PTPRM: variants seen among roughly 807,000 people sequenced by gnomAD.
PTPRM encodes the protein protein tyrosine phosphatase receptor type M, also known as receptor-type tyrosine-protein phosphatase mu.
In PTPRM, 47 loss-of-function variants were observed where a neutral mutation model predicts 186.7. The ratio of observed to expected loss-of-function variants is 0.25; its 90% CI spans 0.20 to 0.32. PTPRM has a LOEUF of 0.32. Ranked by LOEUF, PTPRM falls within the 10% of genes least tolerant of loss-of-function variation. PTPRM has a pLI of 1.00. For synonymous variants in PTPRM, 668 were observed against 674.9 expected (o/e 0.99, Z 0.16); for missense variants, 1,494 against 1,865.0 (o/e 0.80, Z 3.66).
At chr18:7,808,131 G>A (rs1052276163) in intron 2 of PTPRM, among the ~76,000 whole-genome samples, 1 of 152,184 alleles carries the variant, frequency 6.6e-6, no homozygotes, top group Non-Finnish European at 1.5e-5. Context: ...TCCAAACCGT[G>A]TGTTTGCCAA....
At chr18:8,044,653 A>C (rs2086906605) in intron 7 of PTPRM, among the ~76,000 whole-genome samples, 1 of 150,374 alleles carries the variant, frequency 6.7e-6, no homozygotes, top group South Asian at 2.1e-4. Flanking sequence ...GCTAATCGGG[A>C]GGCTGAGGCA....
chr18:7,933,674 C>G (rs914111695), intron 5 of PTPRM, among the ~76,000 whole-genome samples: 1 of 152,154 alleles, frequency 6.6e-6, no homozygotes, highest in Non-Finnish European at 1.5e-5. Flanking sequence ...CCAAACAAAT[C>G]GTGTAGCTCC....
At chr18:7,867,395 G>A (rs563957898) in intron 2 of PTPRM, among the ~76,000 whole-genome samples, 29 of 152,218 alleles carry the variant, frequency 1.9e-4, no homozygotes, top group African/African-American at 6.0e-4. Context: ...CAGGCCTGGT[G>A]GTAACAAAAT....
rs148964385 is a variant in PTPRM at position 7,627,914 on chromosome 18, C to G, written c.73+60023C>G. Among the ~76,000 whole-genome samples the G allele has an allele frequency of 5.6e-3, 850 of 152,234 alleles. 9 individuals carry two copies. The highest frequency in any genetic ancestry group is 0.02 in the African/African-American group (814 of 41,520). ...AGTTCCATTGATTCCAAATAAGAGG[C>G]CCTGCACAAATGGAGATTCTGATGT... On this transcript the variant is annotated intron_variant, in intron 1 of 32. Transcript: ENST00000580170.
chr18:8,383,614 A>G (rs1047793496), intron 29 of PTPRM, among the ~76,000 whole-genome samples: 5 of 152,144 alleles, frequency 3.3e-5, no homozygotes, highest in African/African-American at 1.2e-4. Flanking sequence ...AACAATACCT[A>G]GAGTTTGAGG....
intron 2 of PTPRM, among the ~76,000 whole-genome samples, chr18:7,878,891 G>T (rs967058507): frequency 6.6e-5 from 10 of 152,158 alleles, no homozygotes; most frequent in African/African-American, 2.4e-4. Flanking sequence ...AAAACTTGAC[G>T]TATGGGAAAT....
rs188387634 is a variant in PTPRM, at chr18:8,018,577, A to G, written c.1133-51109A>G. Among the ~76,000 whole-genome samples the G allele has an allele frequency of 3.2e-4, 48 of 152,304 alleles. 1 individual carries two copies. Among genetic ancestry groups the G allele is most frequent in the African/African-American group, 1.1e-3 (44 of 41,558 alleles). On this transcript the variant is annotated intron_variant, in intron 7 of 32. Transcript: ENST00000580170. ...AATAATCAATCCACAATAATAGAGA[A>G]TCAACTCCTTAAAGAGAGGAAAAGT...
Position 8,209,623 on chromosome 18 carries a change from C to A in PTPRM, c.2301-34435C>A, listed in dbSNP as rs115539897. 3.6e-3 allele frequency among the ~76,000 whole-genome samples: 541 copies of A among 152,104 alleles called. 1 individual carries two copies. Among genetic ancestry groups the A allele is most frequent in the African/African-American group, 0.012 (498 of 41,484 alleles). ...TTGAAGTCCTAACCCCCAGTACCTC[C>A]GAAGGTGACCTTATTTGGAAACAGA... On this transcript the variant is annotated intron_variant, in intron 14 of 32. Transcript: ENST00000580170.
At chr18:7,999,988 A>C (rs147225283) in intron 7 of PTPRM, among the ~76,000 whole-genome samples, 25 of 152,320 alleles carry the variant, frequency 1.6e-4, no homozygotes, top group African/African-American at 6.0e-4. Flanking sequence ...TCTGAAGGCC[A>C]GGAAAACAAA....
chr18:7,619,676 A>G (rs1421656611), intron 1 of PTPRM, among the ~76,000 whole-genome samples: 2 of 152,192 alleles, frequency 1.3e-5, no homozygotes, highest in African/African-American at 2.4e-5. Context: ...CTTAGTAAAG[A>G]CGTCCCGAAT....
At chr18:8,214,187 A>G (rs925197603) in intron 14 of PTPRM, among the ~76,000 whole-genome samples, 1 of 152,162 alleles carries the variant, frequency 6.6e-6, no homozygotes, top group Non-Finnish European at 1.5e-5. Context: ...CAGGTGCACT[A>G]ATATCCCAGA....
rs149704110 is a variant in PTPRM at position 8,400,041 on chromosome 18, C to T, written c.4344+5430C>T. On this transcript the variant is annotated intron_variant, in intron 32 of 32. Transcript: ENST00000580170. Reference sequence around the variant, plus strand: ...GGTAAAGCAGTGCATGCTCTTGCACCGGGAGAAAAAGGGCACAGGTTAGTG... The same window carrying T: ...GGTAAAGCAGTGCATGCTCTTGCACTGGGAGAAAAAGGGCACAGGTTAGTG... Among the ~76,000 whole-genome samples, 27 of 152,140 alleles carry T rather than the reference C, an allele frequency of 1.8e-4. No individual in the cohort carries two copies. In the South Asian group the frequency reaches 2.7e-3, roughly 15 times the overall value.
Position 8,213,238 on chromosome 18 carries a change from G to A in PTPRM, c.2301-30820G>A, listed in dbSNP as rs185374090. On this transcript the variant is annotated intron_variant, in intron 14 of 32. Coordinates refer to ENST00000580170, the MANE Select transcript of PTPRM (RefSeq NM_001105244.2). Reference sequence around the variant, plus strand: ...TTCTGTGAGGATCATTCTTGCACACGAAAGGTAACAGCATGACCTTGATAT... The same window carrying A: ...TTCTGTGAGGATCATTCTTGCACACAAAAGGTAACAGCATGACCTTGATAT... 5.9e-5 allele frequency among the ~76,000 whole-genome samples: 9 copies of A among 152,292 alleles called. No individual in the cohort carries two copies. In the East Asian group the frequency reaches 1.2e-3, roughly 20 times the overall value.
chr18:7,648,594 T>C (rs988828849), intron 1 of PTPRM, among the ~76,000 whole-genome samples: 8 of 152,184 alleles, frequency 5.3e-5, no homozygotes, highest in African/African-American at 1.4e-4. Context: ...ATTGCTGATA[T>C]GGATAATGTT....
intron 1 of PTPRM, among the ~76,000 whole-genome samples, chr18:7,739,035 T>G (rs1182981117): frequency 6.6e-6 from 1 of 152,150 alleles, no homozygotes; most frequent in Non-Finnish European, 1.5e-5. Context: ...AGCTGGTCAT[T>G]GCTGATTGTC....
chr18:7,621,497 A>G (rs966695135), intron 1 of PTPRM, among the ~76,000 whole-genome samples: 2 of 152,114 alleles, frequency 1.3e-5, no homozygotes, highest in African/African-American at 4.8e-5. Context: ...AGTTTACATT[A>G]GTGGGCCACA....
At chr18:8,128,406 A>T (rs1600720380) in intron 13 of PTPRM, among the ~76,000 whole-genome samples, 1 of 152,260 alleles carries the variant, frequency 6.6e-6, no homozygotes, top group East Asian at 1.9e-4. Flanking sequence ...AGAATTTGAG[A>T]TTTTTGAGAT....
chr18:7,919,132 G>A (rs1454360601), intron 4 of PTPRM, among the ~76,000 whole-genome samples: 1 of 152,054 alleles, frequency 6.6e-6, no homozygotes, highest in Non-Finnish European at 1.5e-5. Context: ...TGGGTTCTCT[G>A]TTCTGTTGCA....
intron 19 of PTPRM, among the ~76,000 whole-genome samples, chr18:8,289,785 T>C (rs2095021969): frequency 6.6e-6 from 1 of 151,678 alleles, no homozygotes; most frequent in Admixed American, 6.6e-5. Context: ...CAATTTCACG[T>C]TGGATTAAGT....
Sources: allele counts gnomAD v4.1 joint callset (sites outside exome capture counted in the v4.1 genomes callset), GRCh38; gene constraint gnomAD v4.1.1; transcripts MANE v1.5; gene names NCBI Gene and HGNC (gene_info 2026-07-23, HGNC 2026-07-21).